SGIP1: variants seen among roughly 807,000 people sequenced by gnomAD.
SGIP1 encodes SH3-containing GRB2-like protein 3-interacting protein 1.
SGIP1 carries 38 observed loss-of-function variants against 107.5 expected under a neutral mutation model. The ratio of observed to expected loss-of-function variants is 0.35; its 90% confidence interval spans 0.27 to 0.46. The LOEUF is 0.46. Among genes scored for constraint, SGIP1 ranks in the 20% least tolerant of loss-of-function variants. The pLI is 1.00. For missense variants in SGIP1, 929 were observed against 1,019.5 expected (o/e 0.91, Z 1.21); for synonymous variants, 365 against 366.1 (o/e 1.00, Z 0.03).
At chr1:66,694,992 C>A (rs905252042) in intron 17 of SGIP1, 19 of 268,018 alleles carry the variant, frequency 7.1e-5, no homozygotes, top group Admixed American at 3.5e-4. Flanking sequence ...CATTTAAAAC[C>A]TAAGCTAATG....
intron 8 of SGIP1, among the ~76,000 whole-genome samples, chr1:66,661,214 T>G (rs997173757): frequency 6.6e-6 from 1 of 152,214 alleles, no homozygotes; most frequent in Admixed American, 6.5e-5. Context: ...GGTTGCCTGG[T>G]TTGTTGGGAA....
intron 1 of SGIP1, among the ~76,000 whole-genome samples, chr1:66,611,138 A>G (rs957868345): frequency 5.3e-5 from 8 of 152,228 alleles, no homozygotes. Context: ...TATGGGAATA[A>G]AAAATAAAAA....
intron 1 of SGIP1, among the ~76,000 whole-genome samples, chr1:66,593,331 T>C (rs2064006876): frequency 6.6e-6 from 1 of 152,182 alleles, no homozygotes; most frequent in South Asian, 2.1e-4. Context: ...TGCTGGATCA[T>C]TCAGTAAGAG....
At chr1:66,622,257 G>A (rs774712340) in intron 1 of SGIP1, among the ~76,000 whole-genome samples, 1 of 152,112 alleles carries the variant, frequency 6.6e-6, no homozygotes, top group Non-Finnish European at 1.5e-5. Context: ...AAACTCTCAG[G>A]CTCACTACTT....
chr1:66,690,544 T>G, intron 17 of SGIP1: 2 of 555,514 alleles, frequency 3.6e-6, no homozygotes, highest in Non-Finnish European at 6.3e-6. Context: ...TTTGCAGGAA[T>G]TTTCTTATGC....
intron 1 of SGIP1, among the ~76,000 whole-genome samples, chr1:66,543,467 G>C (rs980458094): frequency 6.6e-6 from 1 of 152,182 alleles, no homozygotes; most frequent in Admixed American, 6.5e-5. Flanking sequence ...TATTCTCTCT[G>C]TAAGAGGACA....
At chr1:66,719,444 T>G in intron 19 of SGIP1, 39 bp downstream of exon 19, 1 of 1,535,680 alleles carries the variant, frequency 6.5e-7, no homozygotes, top group Non-Finnish European at 9.0e-7. Context: ...TTCTGAGTTC[T>G]GTCCTATTGA....
chr1:66,634,365 A>G (rs1454416745), intron 3 of SGIP1, among the ~76,000 whole-genome samples: 1 of 151,886 alleles, frequency 6.6e-6, no homozygotes, highest in Non-Finnish European at 1.5e-5. Flanking sequence ...ACCCCTGCTC[A>G]TTGTCTCTAA....
At chr1:66,570,429 C>CT (rs1043041072) in intron 1 of SGIP1, among the ~76,000 whole-genome samples, 9 of 151,818 alleles carry the variant, frequency 5.9e-5, no homozygotes, top group African/African-American at 2.2e-4. Flanking sequence ...GTGTAAAATA[C>CT]TTTACAATGT....
intron 1 of SGIP1, among the ~76,000 whole-genome samples, chr1:66,573,571 T>C (rs546309675): frequency 5.3e-5 from 8 of 152,292 alleles, no homozygotes; most frequent in East Asian, 3.9e-4. Context: ...TTGAATACTA[T>C]GCAGCCACAA....
intron 1 of SGIP1, among the ~76,000 whole-genome samples, chr1:66,562,451 A>G (rs1160156079): frequency 6.6e-6 from 1 of 151,944 alleles, no homozygotes; most frequent in Non-Finnish European, 1.5e-5. Context: ...GGAATGCAAA[A>G]GAGGGAGTAT....
intron 15 of SGIP1, among the ~76,000 whole-genome samples, chr1:66,683,299 G>C (rs143797325): frequency 6.6e-6 from 1 of 152,138 alleles, no homozygotes; most frequent in Non-Finnish European, 1.5e-5. Flanking sequence ...GGGCCTTCAG[G>C]GGGTGCCATG....
chr1:66,556,548 G>A (rs947941986), intron 1 of SGIP1, among the ~76,000 whole-genome samples: 2 of 152,090 alleles, frequency 1.3e-5, no homozygotes, highest in African/African-American at 4.8e-5. Context: ...CAATGGAGCT[G>A]GAGGAGGGCA....
chr1:66,727,239 C>T (rs1217776965), intron 19 of SGIP1, among the ~76,000 whole-genome samples: 3 of 152,136 alleles, frequency 2.0e-5, no homozygotes, highest in Non-Finnish European at 4.4e-5. Context: ...ACAAACAACC[C>T]TATTTAAAAA....
At position 66,630,845 on chromosome 1, in the gene SGIP1, A is replaced by AG. The variant is rs1558133108; in HGVS notation, c.75-2225_75-2224insG. Among the ~76,000 whole-genome samples the AG allele has an allele frequency of 3.4e-3, 85 of 25,218 alleles. 6 individuals are homozygous for AG. The highest frequency in any genetic ancestry group is 0.018 in the East Asian group (7 of 392). The allele number at this position is 25,218 out of a possible 152,430, so 16.5% of individuals were successfully genotyped here. ...AAAGAAAGAAAGAAAGAAAGAAAGAAAGAAAGAAAGAAAGAAAGAAAGAAA... is the reference window on the plus strand; with the variant it reads ...AAAGAAAGAAAGAAAGAAAGAAAGAAGAGAAAGAAAGAAAGAAAGAAAGAAA... On this transcript the variant is annotated intron_variant, in intron 2 of 24. Transcript: ENST00000371037.
At chr1:66,589,468 C>A (rs143342973) in intron 1 of SGIP1, among the ~76,000 whole-genome samples, 1 of 151,668 alleles carries the variant, frequency 6.6e-6, no homozygotes, top group African/African-American at 2.4e-5. Flanking sequence ...GTCCCTGAAG[C>A]AAATTCAAAC....
At chr1:66,639,566 T>C (rs552980011) in intron 4 of SGIP1, among the ~76,000 whole-genome samples, 2 of 152,350 alleles carry the variant, frequency 1.3e-5, no homozygotes, top group South Asian at 4.1e-4. Flanking sequence ...TTTTGTGAAA[T>C]AAGTACATAT....
chr1:66,578,969 A>G (rs2061451254), intron 1 of SGIP1, among the ~76,000 whole-genome samples: 1 of 152,162 alleles, frequency 6.6e-6, no homozygotes, highest in African/African-American at 2.4e-5. Context: ...GCAAATATCT[A>G]CAACAGCAAG....
chr1:66,628,055 C>T (rs1036449930), intron 2 of SGIP1, among the ~76,000 whole-genome samples: 2 of 152,024 alleles, frequency 1.3e-5, no homozygotes, highest in Admixed American at 6.6e-5. Context: ...GCTTCATCCA[C>T]GTCCCTACAA....
Sources: allele counts gnomAD v4.1 joint callset (sites outside exome capture counted in the v4.1 genomes callset), GRCh38; gene constraint gnomAD v4.1.1; transcripts MANE v1.5; gene names NCBI Gene and HGNC (gene_info 2026-07-23, HGNC 2026-07-21).